TUBB8B: variants seen among roughly 807,000 people sequenced by gnomAD.
TUBB8B encodes the protein HSA18p11 beta-tubulin 4Q pseudogene.
A neutral mutation model predicts 31.9 loss-of-function variants in TUBB8B; 26 were observed. The observed-to-expected ratio is 0.81, with a 90% CI of 0.60 to 1.13. The LOEUF (loss-of-function observed/expected upper bound fraction) is 1.13, where lower values mean the gene tolerates loss of function less well. Ranked by LOEUF, TUBB8B falls within the 50% of genes most tolerant of loss-of-function variation. The pLI is 0.00. For missense variants in TUBB8B, 467 were observed against 586.7 expected (o/e 0.80, Z 2.11); for synonymous variants, 173 against 231.0 (o/e 0.75, Z 2.28).
chr18:70,661 A>G, the TUBB8B span, among the ~76,000 whole-genome samples: 1 of 151,862 alleles, frequency 6.6e-6, no homozygotes, highest in East Asian at 1.9e-4. Flanking sequence ...AAAGAAAAAT[A>G]CTGCAGGGCC....
chr18:52,836 G>A (rs1379023557), upstream of TUBB8B, among the ~76,000 whole-genome samples: 2 of 151,800 alleles, frequency 1.3e-5, no homozygotes, highest in Admixed American at 1.3e-4. Flanking sequence ...GAAAACAAGA[G>A]CAGGAATGCA....
the TUBB8B span, among the ~76,000 whole-genome samples, chr18:56,889 G>T: frequency 2.0e-5 from 3 of 151,862 alleles, no homozygotes; most frequent in African/African-American, 7.3e-5. Flanking sequence ...AATAAATCTG[G>T]TGCTTGCACA....
chr18:49,250 G>A lies in TUBB8B; in HGVS notation c.58-13C>T, dbSNP rs1334849217. The A allele has an allele frequency of 9.1e-6, 14 of 1,531,242 alleles. No individual in the cohort carries two copies. Among genetic ancestry groups the A allele is most frequent in the Admixed American group, 2.0e-5 (1 of 50,900 alleles). The allele number at this position is 1,531,242 out of a possible 1,614,324, so 94.9% of individuals were successfully genotyped here. ...TCACCTCCCAGAACTGCAAGAGACG[G>A]GAGGGGCCAGACAGGCCGGGGCTGA... On this transcript the variant is annotated splice_polypyrimidine_tract_variant and intron_variant, in intron 1 of 3. Transcript: ENST00000308911.
the TUBB8B span, among the ~76,000 whole-genome samples, chr18:59,709 A>T: frequency 6.6e-6 from 1 of 151,216 alleles, no homozygotes; most frequent in East Asian, 1.9e-4. Context: ...CCACCTGGCT[A>T]ATTTTTGTAT....
At chr18:62,552 A>G in the TUBB8B span, among the ~76,000 whole-genome samples, 1 of 151,040 alleles carries the variant, frequency 6.6e-6, no homozygotes, top group Non-Finnish European at 1.5e-5. Context: ...CCAAGGAGCT[A>G]GGACTACAGG....
chr18:52,721 G>A (rs1906159648), upstream of TUBB8B, among the ~76,000 whole-genome samples: 1 of 151,830 alleles, frequency 6.6e-6, no homozygotes, highest in Non-Finnish European at 1.5e-5. Context: ...CCACAAAGTA[G>A]GATTCTTAGA....
the TUBB8B span, among the ~76,000 whole-genome samples, chr18:61,318 T>C: frequency 1.3e-5 from 2 of 151,676 alleles, no homozygotes; most frequent in Non-Finnish European, 2.9e-5. Flanking sequence ...TTCCATCATT[T>C]TATTTTCAGT....
the TUBB8B span, among the ~76,000 whole-genome samples, chr18:62,031 T>C: frequency 6.6e-6 from 1 of 151,890 alleles, no homozygotes; most frequent in Non-Finnish European, 1.5e-5. Flanking sequence ...CTGGTGTTAA[T>C]GAAATACCTC....
At chr18:64,989 G>C in the TUBB8B span, among the ~76,000 whole-genome samples, 1 of 152,046 alleles carries the variant, frequency 6.6e-6, no homozygotes, top group East Asian at 1.9e-4. Flanking sequence ...TCAATGTCTA[G>C]TATAATTATT....
At chr18:70,375 G>C in the TUBB8B span, among the ~76,000 whole-genome samples, 1 of 152,180 alleles carries the variant, frequency 6.6e-6, no homozygotes, top group African/African-American at 2.4e-5. Context: ...GCTCATGCCT[G>C]TAATCCCAAC....
the TUBB8B span, among the ~76,000 whole-genome samples, chr18:56,487 T>C: frequency 2.0e-5 from 3 of 151,870 alleles, no homozygotes; most frequent in African/African-American, 7.2e-5. Flanking sequence ...TTGTCTTCTC[T>C]TTCATTTCTT....
upstream of TUBB8B, among the ~76,000 whole-genome samples, chr18:51,498 A>T (rs1280932708): frequency 6.6e-6 from 1 of 151,900 alleles, no homozygotes; most frequent in African/African-American, 2.4e-5. Context: ...GGAGTGCATT[A>T]TCATGATCTT....
chr18:64,170 A>G, the TUBB8B span, among the ~76,000 whole-genome samples: 3 of 152,060 alleles, frequency 2.0e-5, no homozygotes, highest in Non-Finnish European at 4.4e-5. Context: ...CATTACCCCA[A>G]CCCTAAATCA....
the TUBB8B span, chr18:73,242 A>T: frequency 6.4e-6 from 1 of 157,458 alleles, no homozygotes; most frequent in Admixed American, 6.5e-5. Flanking sequence ...AGGTACAAAG[A>T]GCCCGACGGG....
Position 47,930 on chromosome 18 carries a change from G to T in TUBB8B, c.795C>A (p.Phe265Leu), listed in dbSNP as rs1905740838. 6.2e-7 allele frequency: 1 copy of T among 1,611,548 alleles called. No individual in the cohort carries two copies. Among genetic ancestry groups the T allele is most frequent in the Admixed American group, 1.7e-5 (1 of 59,998 alleles). Residue 265 changes from phenylalanine to leucine, a missense_variant, in exon 4 of 4, where the codon TTC becomes TTA. Transcript: ENST00000308911. ...TCAGTGGGGCAAAGCCGGGCATGAAGAAATGCAGCCGGGGAAACGGGACCA... is the reference window on the plus strand; with the variant it reads ...TCAGTGGGGCAAAGCCGGGCATGAATAAATGCAGCCGGGGAAACGGGACCA... ...VNMVPFPRLHFFMPGFAPLTS... is the reference protein window; with the variant it reads ...VNMVPFPRLHLFMPGFAPLTS...
At chr18:63,687 AC>A in the TUBB8B span, among the ~76,000 whole-genome samples, 290 of 138,454 alleles carry the variant, frequency 2.1e-3, 1 homozygote, top group Non-Finnish European at 3.3e-3. Flanking sequence ...CCTAACCCTA[AC>A]CCCTAACCCT....
chr18:68,586 C>T, the TUBB8B span, among the ~76,000 whole-genome samples: 3 of 152,188 alleles, frequency 2.0e-5, no homozygotes, highest in East Asian at 1.9e-4. Flanking sequence ...CAGCCCAATG[C>T]TTGCTCTCCT....
the TUBB8B span, among the ~76,000 whole-genome samples, chr18:61,969 A>T: frequency 1.3e-5 from 2 of 151,590 alleles, no homozygotes; most frequent in African/African-American, 4.8e-5. Context: ...TTGCTTACTC[A>T]CTTTTTTCTT....
upstream of TUBB8B, among the ~76,000 whole-genome samples, chr18:53,402 G>A (rs1906186200): frequency 6.6e-6 from 1 of 151,862 alleles, no homozygotes; most frequent in Admixed American, 6.6e-5. Context: ...TAGTTAATAT[G>A]CAAGTTGACA....
Sources: gnomAD v4.1 joint callset for allele counts (sites outside exome capture counted in the v4.1 genomes callset) on GRCh38, gnomAD v4.1.1 for gene constraint, MANE v1.5 for transcripts, NCBI Gene and HGNC (gene_info 2026-07-23, HGNC 2026-07-21) for gene names.